The following DENND2C variants were observed in gnomAD, a reference collection of about 807,000 sequenced individuals.
DENND2C encodes the protein DENN domain-containing protein 2C.
Under a neutral mutation model 112.4 loss-of-function variants are expected in DENND2C, and 72 were observed. The observed-to-expected ratio is 0.64, with a 90% CI of 0.53 to 0.78. The LOEUF is 0.78. DENND2C is among the 30% of genes least tolerant of loss of function. The pLI is 0.00. For synonymous variants in DENND2C, 329 were observed against 381.6 expected, an observed-to-expected ratio of 0.86 and a Z score of 1.61; for missense variants, 992 against 1,113.8, an observed-to-expected ratio of 0.89 and a Z score of 1.56.
At chr1:114,603,102 A>G (rs1655561522) in intron 11 of DENND2C, among the ~76,000 whole-genome samples, 1 of 151,808 alleles carries the variant, frequency 6.6e-6, no homozygotes, top group South Asian at 2.1e-4. Flanking sequence ...ACCTAAATAT[A>G]CCCAAGAAAG....
intron 16 of DENND2C, among the ~76,000 whole-genome samples, chr1:114,597,946 C>T (rs1418587885): frequency 1.3e-5 from 2 of 152,142 alleles, no homozygotes; most frequent in African/African-American, 4.8e-5. Flanking sequence ...TACGCACCCA[C>T]CAGATAGGCT....
chr1:114,594,443 C>A, intron 18 of DENND2C, 30 bp downstream of exon 18: 1 of 1,565,730 alleles, frequency 6.4e-7, no homozygotes, highest in Non-Finnish European at 8.8e-7. Context: ...TAACCCTTAA[C>A]CTTAAGTCCT....
intron 18 of DENND2C, among the ~76,000 whole-genome samples, chr1:114,591,490 A>T (rs921445326): frequency 1.4e-4 from 21 of 151,988 alleles, no homozygotes; most frequent in African/African-American, 5.1e-4. Context: ...GGTGTTTTTT[A>T]AAAAAATAAA....
At chr1:114,601,684 G>A (rs550162215) in intron 12 of DENND2C, 99 bp from the exon 13 acceptor site, 328 of 951,474 alleles carry the variant, frequency 3.4e-4, no homozygotes, top group Non-Finnish European at 4.7e-4. Flanking sequence ...TCTTTAGTAC[G>A]GAGCAGTAAC....
chr1:114,656,159 C>G (rs567589679), intron 1 of DENND2C, among the ~76,000 whole-genome samples: 2 of 151,906 alleles, frequency 1.3e-5, no homozygotes, highest in South Asian at 4.2e-4. Flanking sequence ...ACTCAACCAC[C>G]TGGGCTTAAA....
chr1:114,589,750 C>A (rs901742989), intron 18 of DENND2C, among the ~76,000 whole-genome samples: 1 of 151,984 alleles, frequency 6.6e-6, no homozygotes, highest in African/African-American at 2.4e-5. Context: ...TTTCTTTATT[C>A]TTTCCTTTTT....
At chr1:114,653,211 C>A (rs187173061) in intron 2 of DENND2C, among the ~76,000 whole-genome samples, 1 of 151,908 alleles carries the variant, frequency 6.6e-6, no homozygotes. Flanking sequence ...TGGGTTCAAT[C>A]GATTCTCTTG....
intron 6 of DENND2C, 119 bp from the exon 7 acceptor site, chr1:114,622,184 G>C: frequency 2.9e-6 from 3 of 1,028,508 alleles, no homozygotes; most frequent in Non-Finnish European, 4.1e-6. Context: ...CACGATCATG[G>C]CTCATTGCAG....
rs182736233 is a variant in DENND2C at position 114,613,826 on chromosome 1, G to A, written c.1325-2709C>T. 4.5e-3 allele frequency among the ~76,000 whole-genome samples: 686 copies of A among 152,220 alleles called. 9 individuals carry two copies. Among genetic ancestry groups the A allele is most frequent in the African/African-American group, 0.016 (655 of 41,548 alleles). ...AATCTACTGAGAATCCACAGGGATC[G>A]AAAAAGTACCAGATTGTCCTCTTTT... On this transcript the variant is annotated intron_variant, in intron 8 of 20. Transcript: ENST00000393274.
intron 3 of DENND2C, among the ~76,000 whole-genome samples, chr1:114,637,887 T>C (rs1355743909): frequency 6.6e-6 from 1 of 152,186 alleles, no homozygotes; most frequent in African/African-American, 2.4e-5. Context: ...ATCTCCAGAT[T>C]GTTGAATCTG....
chr1:114,620,272 T>TG (rs1656128826), intron 7 of DENND2C, among the ~76,000 whole-genome samples: 1 of 152,234 alleles, frequency 6.6e-6, no homozygotes, highest in Admixed American at 6.5e-5. Flanking sequence ...GGCTTGTTCC[T>TG]GCCTGACAAT....
chr1:114,586,047 T>C (rs1251583613), intron 20 of DENND2C, among the ~76,000 whole-genome samples: 1 of 152,218 alleles, frequency 6.6e-6, no homozygotes, highest in African/African-American at 2.4e-5. Flanking sequence ...AATTTGTCCA[T>C]GGTCTGTCAG....
At chr1:114,617,737 A>G (rs78171231) in intron 8 of DENND2C, among the ~76,000 whole-genome samples, 64 of 144,026 alleles carry the variant, frequency 4.4e-4, no homozygotes, top group African/African-American at 1.4e-3. Context: ...ATCCTCAGAG[A>G]AAAAAAAAAA....
chr1:114,614,260 T>C (rs1655897983), intron 8 of DENND2C, among the ~76,000 whole-genome samples: 2 of 150,998 alleles, frequency 1.3e-5, no homozygotes, highest in African/African-American at 4.9e-5. Flanking sequence ...TGAAGAAATA[T>C]TTAGGTTGGA....
intron 8 of DENND2C, among the ~76,000 whole-genome samples, chr1:114,611,322 A>T (rs778635570): frequency 2.0e-5 from 3 of 152,148 alleles, no homozygotes; most frequent in Non-Finnish European, 2.9e-5. Flanking sequence ...CCTCTACTAC[A>T]TCTTCTTCCC....
At position 114,605,027 on chromosome 1, in the gene DENND2C, T is replaced by C; in HGVS notation, c.1562A>G (p.Asp521Gly). 1 of 1,610,138 alleles carries C rather than the reference T, an allele frequency of 6.2e-7. No homozygotes were observed. Among genetic ancestry groups the C allele is most frequent in the Non-Finnish European group, 8.5e-7 (1 of 1,177,922 alleles). The change falls in exon 11 of 21, where the codon GAT becomes GGT. Residue 521 changes from aspartate (D) to glycine (G), a missense_variant. This residue lies in a region of DENND2C where 516 missense variants were observed against 623.6 expected (regional missense o/e 0.83). Transcript: ENST00000393274. Reference sequence around the variant, plus strand: ...GTCTTTGGACTGCTTATAGCCATGATCATCCTGAAAAAGATAACACCATAG... The same window carrying C: ...GTCTTTGGACTGCTTATAGCCATGACCATCCTGAAAAAGATAACACCATAG... Reference protein sequence around the residue: ...QVIQQFPGKDDHGYKQSKDME... With the variant: ...QVIQQFPGKDGHGYKQSKDME...
chr1:114,658,470 T>C (rs1486438865), intron 1 of DENND2C, among the ~76,000 whole-genome samples: 4 of 152,030 alleles, frequency 2.6e-5, no homozygotes, highest in African/African-American at 9.7e-5. Context: ...ATTAAATAAA[T>C]GGTTTCTAAA....
intron 7 of DENND2C, among the ~76,000 whole-genome samples, chr1:114,619,301 T>C (rs976159378): frequency 6.6e-6 from 1 of 152,072 alleles, no homozygotes; most frequent in Non-Finnish European, 1.5e-5. Context: ...ATAAATACTT[T>C]TCTTTTTTTC....
chr1:114,665,206 C>G (rs933383520), intron 1 of DENND2C, among the ~76,000 whole-genome samples: 4 of 149,950 alleles, frequency 2.7e-5, no homozygotes, highest in African/African-American at 9.9e-5. Flanking sequence ...GAGGTCCAGG[C>G]TGCAGTGAGC....
Sources: gnomAD v4.1 joint callset for allele counts (sites outside exome capture counted in the v4.1 genomes callset) on GRCh38, gnomAD v4.1.1 for gene constraint, gnomAD v4.1.1 regional missense constraint, MANE v1.5 for transcripts, NCBI Gene and HGNC (gene_info 2026-07-23, HGNC 2026-07-21) for gene names.